Variants in KLF15 observed in about 807,000 individuals in gnomAD.
The protein encoded by KLF15 is Krueppel-like factor 15.
A neutral mutation model predicts 24.6 loss-of-function variants in KLF15; 4 were observed. The observed-to-expected ratio is 0.16, with a 90% CI of 0.08 to 0.37. The LOEUF (loss-of-function observed/expected upper bound fraction) is 0.37, where lower values mean the gene tolerates loss of function less well. KLF15 is among the 10% of genes least tolerant of loss of function. The pLI is 1.00. For synonymous variants in KLF15, 246 were observed against 236.3 expected, an observed-to-expected ratio of 1.04 and a Z score of -0.37; for missense variants, 496 against 560.6, an observed-to-expected ratio of 0.88 and a Z score of 1.16.
At chr3:126,354,690 T>G (rs2082616199) in intron 1 of KLF15, among the ~76,000 whole-genome samples, 1 of 152,224 alleles carries the variant, frequency 6.6e-6, no homozygotes, top group African/African-American at 2.4e-5. Context: ...AATGCACCTA[T>G]TCACCAAATC....
chr3:126,313,015 A>G, the KLF15 span, among the ~76,000 whole-genome samples: 2 of 152,178 alleles, frequency 1.3e-5, no homozygotes, highest in Non-Finnish European at 2.9e-5. Flanking sequence ...AAATTCATAT[A>G]TCTAAGTCCT....
chr3:126,350,171 C>T (rs1277433570), intron 2 of KLF15, among the ~76,000 whole-genome samples: 1 of 152,238 alleles, frequency 6.6e-6, no homozygotes, highest in Admixed American at 6.5e-5. Context: ...TTTCCTGCTT[C>T]AATCAAGAGC....
chr3:126,323,660 C>G, the KLF15 span, among the ~76,000 whole-genome samples: 1 of 139,312 alleles, frequency 7.2e-6, no homozygotes, highest in Non-Finnish European at 1.5e-5. Flanking sequence ...CCCCTGGCCC[C>G]CCACCCCCCA....
At chr3:126,355,774 G>A (rs2082625861) in intron 1 of KLF15, among the ~76,000 whole-genome samples, 1 of 152,236 alleles carries the variant, frequency 6.6e-6, no homozygotes. Context: ...GTAGGAATGG[G>A]TGGCCCAGGT....
rs115725861 is a variant in KLF15 at position 126,345,625 on chromosome 3, G to A, written c.1083-1730C>T. 1.1e-3 allele frequency among the ~76,000 whole-genome samples: 168 copies of A among 152,034 alleles called. 1 individual carries two copies. Among genetic ancestry groups the A allele is most frequent in the African/African-American group, 3.8e-3 (157 of 41,448 alleles). Reference sequence around the variant, plus strand: ...CGCACACACACACACACAGGGACACGAGGCCCAACACCCCTTTGTGGACCA... The same window carrying A: ...CGCACACACACACACACAGGGACACAAGGCCCAACACCCCTTTGTGGACCA... On this transcript the variant is annotated intron_variant, in intron 2 of 2. Coordinates refer to ENST00000296233, the MANE Select transcript of KLF15 (RefSeq NM_014079.4).
At chr3:126,334,255 A>G in the KLF15 span, among the ~76,000 whole-genome samples, 1 of 151,762 alleles carries the variant, frequency 6.6e-6, no homozygotes, top group African/African-American at 2.4e-5. Flanking sequence ...ACTAGAACTC[A>G]GGATTAAGAA....
At chr3:126,348,374 A>G (rs1257206018) in intron 2 of KLF15, among the ~76,000 whole-genome samples, 2 of 151,988 alleles carry the variant, frequency 1.3e-5, no homozygotes, top group African/African-American at 2.4e-5. Flanking sequence ...CTCTTTTCCC[A>G]TAGCCCAGAA....
chr3:126,353,461 G>A (rs192031487), intron 1 of KLF15, among the ~76,000 whole-genome samples: 18 of 152,218 alleles, frequency 1.2e-4, no homozygotes, highest in Admixed American at 9.8e-4. Flanking sequence ...GCCAGATTAC[G>A]CAAATAAAAA....
chr3:126,296,105 C>T, the KLF15 span, among the ~76,000 whole-genome samples: 1 of 152,294 alleles, frequency 6.6e-6, no homozygotes, highest in African/African-American at 2.4e-5. Context: ...TTAAATATTG[C>T]ATAATATTTT....
chr3:126,340,302 G>C (rs761700120), downstream of KLF15, among the ~76,000 whole-genome samples: 5 of 152,232 alleles, frequency 3.3e-5, no homozygotes, highest in Non-Finnish European at 5.9e-5. Context: ...CCGGCCAACA[G>C]AATGGGAGTG....
the KLF15 span, among the ~76,000 whole-genome samples, chr3:126,290,030 T>G: frequency 6.6e-6 from 1 of 152,320 alleles, no homozygotes; most frequent in South Asian, 2.1e-4. Context: ...AACTCGACTC[T>G]TCACACAAGA....
chr3:126,331,941 C>T, the KLF15 span, among the ~76,000 whole-genome samples: 2 of 152,216 alleles, frequency 1.3e-5, no homozygotes, highest in African/African-American at 4.8e-5. Flanking sequence ...ATCTCACTGA[C>T]TGCTAGCACA....
the KLF15 span, among the ~76,000 whole-genome samples, chr3:126,324,808 T>C: frequency 3.0e-5 from 2 of 67,296 alleles, no homozygotes; most frequent in Non-Finnish European, 6.7e-5. Context: ...TTTTCGCTCT[T>C]TTTTTTTTTT....
chr3:126,296,982 C>T, the KLF15 span, among the ~76,000 whole-genome samples: 19 of 151,920 alleles, frequency 1.3e-4, no homozygotes, highest in East Asian at 1.9e-4. Context: ...GTTATGTTGC[C>T]CAAGCTGGAC....
At chr3:126,339,957 C>T (rs1406913855), downstream of KLF15, among the ~76,000 whole-genome samples, 1 of 152,180 alleles carries the variant, frequency 6.6e-6, no homozygotes, top group Non-Finnish European at 1.5e-5. Flanking sequence ...CAGAGTTTCC[C>T]TTCTTAATAA....
At chr3:126,291,459 C>T in the KLF15 span, among the ~76,000 whole-genome samples, 3 of 152,176 alleles carry the variant, frequency 2.0e-5, no homozygotes, top group African/African-American at 4.8e-5. Flanking sequence ...GAGGAAGGTT[C>T]GCCAGAACTG....
chr3:126,319,842 G>A, the KLF15 span, among the ~76,000 whole-genome samples: 1 of 152,180 alleles, frequency 6.6e-6, no homozygotes, highest in Non-Finnish European at 1.5e-5. Flanking sequence ...CACTGGCTCG[G>A]GGTGGGGTGC....
At chr3:126,323,437 C>CATATATATGTTATAT in the KLF15 span, among the ~76,000 whole-genome samples, 4 of 47,730 alleles carry the variant, frequency 8.4e-5, 1 homozygote, top group African/African-American at 1.7e-4. Flanking sequence ...ATATATATAA[C>CATATATATGTTATAT]ATATATATGT....
the KLF15 span, among the ~76,000 whole-genome samples, chr3:126,305,382 G>A: frequency 1.3e-5 from 2 of 152,226 alleles, no homozygotes; most frequent in African/African-American, 2.4e-5. Context: ...TCATGATTAC[G>A]TTCTGACTTC....
Sources: allele counts gnomAD v4.1 joint callset (sites outside exome capture counted in the v4.1 genomes callset), GRCh38; gene constraint gnomAD v4.1.1; transcripts MANE v1.5; gene names NCBI Gene and HGNC (gene_info 2026-07-23, HGNC 2026-07-21).